The following ARL8B variants were observed in gnomAD, a reference collection of about 807,000 sequenced individuals.
The protein encoded by ARL8B is ARF like GTPase 8B.
In ARL8B, 9 loss-of-function variants were observed where a neutral mutation model predicts 30.6. The ratio of observed to expected loss-of-function variants is 0.29; its 90% CI spans 0.18 to 0.51. The LOEUF (loss-of-function observed/expected upper bound fraction) is 0.51, where lower values mean the gene tolerates loss of function less well. Ranked by LOEUF, ARL8B falls within the 20% of genes least tolerant of loss-of-function variation. ARL8B has a pLI of 0.97. For synonymous variants in ARL8B, 74 were observed against 76.0 expected (o/e 0.97, Z 0.14); for missense variants, 130 against 227.2 (o/e 0.57, Z 2.75).
intron 1 of ARL8B, among the ~76,000 whole-genome samples, chr3:5,154,307 T>C (rs529546124): frequency 6.6e-6 from 1 of 152,222 alleles, no homozygotes; most frequent in Non-Finnish European, 1.5e-5. Context: ...TGTTCATTTT[T>C]TAAAAAAAAA....
intron 1 of ARL8B, among the ~76,000 whole-genome samples, chr3:5,134,571 G>T (rs1286593504): frequency 6.6e-6 from 1 of 152,204 alleles, no homozygotes; most frequent in Non-Finnish European, 1.5e-5. Flanking sequence ...TGACATTTAA[G>T]TTGGGATTTT....
chr3:5,130,084 G>A (rs748683556), intron 1 of ARL8B, among the ~76,000 whole-genome samples: 1 of 151,920 alleles, frequency 6.6e-6, no homozygotes, highest in Non-Finnish European at 1.5e-5. Context: ...GGCTGACCTC[G>A]AACTCCTGAC....
chr3:5,178,772 C>T lies in ARL8B; in HGVS notation c.*59C>T. ...TATAATCCTAGAATTATTGTCCGTT[C>T]CTCTGAAGTAATTCCCAGAATACGG... On this transcript the variant is annotated 3_prime_UTR_variant, in exon 7 of 7. Transcript: ENST00000256496. The T allele has an allele frequency of 1.2e-6, 2 of 1,607,906 alleles. No homozygotes were observed. The highest frequency in any genetic ancestry group is 1.1e-5 in the South Asian group (1 of 90,696).
At chr3:5,129,835 T>C (rs1336784443) in intron 1 of ARL8B, among the ~76,000 whole-genome samples, 1 of 152,140 alleles carries the variant, frequency 6.6e-6, no homozygotes, top group African/African-American at 2.4e-5. Flanking sequence ...CTGGGCAACA[T>C]AGTGAGGCCA....
chr3:5,162,163 C>T (rs990150521), intron 1 of ARL8B, among the ~76,000 whole-genome samples: 5 of 152,192 alleles, frequency 3.3e-5, no homozygotes, highest in Non-Finnish European at 7.3e-5. Flanking sequence ...ATTGGCCTGT[C>T]TGCCTTAGAA....
At chr3:5,172,579 C>A in intron 3 of ARL8B, 68 bp from the exon 4 acceptor site, 3 of 1,037,286 alleles carry the variant, frequency 2.9e-6, no homozygotes, top group Non-Finnish European at 4.4e-6. Flanking sequence ...AATTAAAAAT[C>A]AATAATACTA....
chr3:5,151,451 A>G (rs1295706696), intron 1 of ARL8B, among the ~76,000 whole-genome samples: 3 of 152,122 alleles, frequency 2.0e-5, no homozygotes, highest in African/African-American at 4.8e-5. Context: ...TCTAAAATAT[A>G]TAAGCATTTG....
intron 1 of ARL8B, among the ~76,000 whole-genome samples, chr3:5,160,380 T>C (rs912905045): frequency 1.3e-5 from 2 of 152,210 alleles, no homozygotes; most frequent in East Asian, 3.8e-4. Context: ...GTAGCACCGT[T>C]ATTAGAATGC....
At chr3:5,127,943 A>G (rs1559274177) in intron 1 of ARL8B, among the ~76,000 whole-genome samples, 6 of 148,766 alleles carry the variant, frequency 4.0e-5, no homozygotes, top group Non-Finnish European at 8.9e-5. Flanking sequence ...TAATCCCAGC[A>G]CTTTGGGAGG....
chr3:5,174,781 AATATAT>A (rs201576639), intron 6 of ARL8B, among the ~76,000 whole-genome samples: 1 of 145,936 alleles, frequency 6.9e-6, no homozygotes, highest in Non-Finnish European at 1.5e-5. Flanking sequence ...ATATAACATA[AATATAT>A]ATATATAAAT....
intron 1 of ARL8B, among the ~76,000 whole-genome samples, chr3:5,151,993 AGCCATTGT>A: frequency 6.6e-6 from 1 of 152,334 alleles, no homozygotes; most frequent in Non-Finnish European, 1.5e-5. Context: ...TGTAGGCATG[AGCCATTGT>A]GCCCAGGCAA....
intron 1 of ARL8B, among the ~76,000 whole-genome samples, chr3:5,146,570 C>G (rs2054420684): frequency 6.6e-6 from 1 of 152,236 alleles, no homozygotes; most frequent in Non-Finnish European, 1.5e-5. Flanking sequence ...CTGCTGTTGC[C>G]TTTTTCTAAT....
At chr3:5,135,604 G>A (rs1255912629) in intron 1 of ARL8B, among the ~76,000 whole-genome samples, 1 of 148,556 alleles carries the variant, frequency 6.7e-6, no homozygotes, top group African/African-American at 2.5e-5. Context: ...GATTACAGGT[G>A]CACGCCACCA....
chr3:5,155,890 T>TTA (rs2054529012), intron 1 of ARL8B, among the ~76,000 whole-genome samples: 1 of 147,588 alleles, frequency 6.8e-6, no homozygotes, highest in African/African-American at 2.5e-5. Context: ...AAGATAATTT[T>TTA]TGTGTGTGTG....
chr3:5,125,935 C>G (rs545109198), intron 1 of ARL8B, among the ~76,000 whole-genome samples: 10 of 152,196 alleles, frequency 6.6e-5, no homozygotes, highest in African/African-American at 2.4e-4. Flanking sequence ...GTGTAATTGG[C>G]TTGAATTAGT....
At chr3:5,155,111 C>A (rs1221196978) in intron 1 of ARL8B, among the ~76,000 whole-genome samples, 1 of 152,162 alleles carries the variant, frequency 6.6e-6, no homozygotes, top group East Asian at 1.9e-4. Context: ...TAGTAATTTC[C>A]TCAGCTTTTG....
In ARL8B at chr3:5,127,517, A is replaced by G. The variant is rs1000747098; in HGVS notation, c.123+4929A>G. Among the ~76,000 whole-genome samples, 4 of 152,302 alleles carry G rather than the reference A, an allele frequency of 2.6e-5. No individual in the cohort carries two copies. The East Asian group carries it at 5.8e-4, about 22-fold the overall frequency. ...GCATACTGACTAACATTTGAGGACTATATATTTATCTATGAACATGAATTA... is the reference window on the plus strand; with the variant it reads ...GCATACTGACTAACATTTGAGGACTGTATATTTATCTATGAACATGAATTA... On this transcript the variant is annotated intron_variant, in intron 1 of 6. Coordinates refer to ENST00000256496, the MANE Select transcript of ARL8B (RefSeq NM_018184.3).
chr3:5,127,088 G>A (rs980965350), intron 1 of ARL8B, among the ~76,000 whole-genome samples: 2 of 152,210 alleles, frequency 1.3e-5, no homozygotes, highest in African/African-American at 4.8e-5. Context: ...TGGGAAGACT[G>A]TAGAAATATG....
chr3:5,136,313 T>C (rs992479101), intron 1 of ARL8B, among the ~76,000 whole-genome samples: 1 of 152,216 alleles, frequency 6.6e-6, no homozygotes, highest in African/African-American at 2.4e-5. Context: ...TAAACAAAGA[T>C]TAAGTGACAC....
Sources: gnomAD v4.1 joint callset for allele counts (sites outside exome capture counted in the v4.1 genomes callset) on GRCh38, gnomAD v4.1.1 for gene constraint, MANE v1.5 for transcripts, NCBI Gene and HGNC (gene_info 2026-07-23, HGNC 2026-07-21) for gene names.